FNTB: variants seen among roughly 807,000 people sequenced by gnomAD.
FNTB encodes farnesyltransferase, CAAX box, subunit beta.
A neutral mutation model predicts 59.4 loss-of-function variants in FNTB; 27 were observed. The ratio of observed to expected loss-of-function variants is 0.45; its 90% confidence interval spans 0.34 to 0.63. The LOEUF is 0.63. Among genes scored for constraint, FNTB ranks in the 20% least tolerant of loss-of-function variants. The probability of loss-of-function intolerance (pLI) is 0.02; values close to 1 mark genes in which losing one functional copy is unlikely to be tolerated. For synonymous variants in FNTB, 230 were observed against 220.7 expected, an observed-to-expected ratio of 1.04 and a Z score of -0.37; for missense variants, 449 against 559.6, an observed-to-expected ratio of 0.80 and a Z score of 1.99.
intron 4 of FNTB, among the ~76,000 whole-genome samples, chr14:65,024,537 A>G (rs11620955): frequency 0.57 from 86,977 of 152,028 alleles, 25,575 homozygotes; most frequent in African/African-American, 0.71. Flanking sequence ...GATCCATGAT[A>G]TAGAAGATAG....
intron 4 of FNTB, among the ~76,000 whole-genome samples, chr14:65,022,316 A>T (rs542497679): frequency 6.6e-6 from 1 of 151,362 alleles, no homozygotes; most frequent in Non-Finnish European, 1.5e-5. Context: ...CCAATTGTGC[A>T]GAACATAGCT....
intron 9 of FNTB, among the ~76,000 whole-genome samples, chr14:65,050,592 A>G (rs1260843586): frequency 6.6e-6 from 1 of 152,178 alleles, no homozygotes; most frequent in Non-Finnish European, 1.5e-5. Flanking sequence ...TAGCATCTCA[A>G]CAACAACAAC....
At chr14:65,013,651 G>A (rs1051891800) in intron 3 of FNTB, among the ~76,000 whole-genome samples, 16 of 152,146 alleles carry the variant, frequency 1.1e-4, no homozygotes, top group African/African-American at 3.6e-4. Context: ...AGGTTCAAGC[G>A]ATTCTCTTGC....
At position 65,011,839 on chromosome 14, in the gene FNTB, G is replaced by T. The variant is rs1179319611; in HGVS notation, c.210-478G>T. Among the ~76,000 whole-genome samples, 2 of 152,198 alleles carry T rather than the reference G, an allele frequency of 1.3e-5. No individual in the cohort carries two copies. Among genetic ancestry groups the T allele is most frequent in the Non-Finnish European group, 2.9e-5 (2 of 68,042 alleles). ...AGAATAATAGTTGGATAACCGAGAG[G>T]CAGGCAGGGAGTAAATTATGGGCCT... On this transcript the variant is annotated intron_variant, in intron 2 of 11. Transcript: ENST00000246166. This position sits in a 1 kb window ranked among gnomAD's most constrained non-coding sequence, Gnocchi z 4.0.
intron 1 of FNTB, among the ~76,000 whole-genome samples, chr14:64,999,643 T>A (rs902120611): frequency 1.3e-5 from 2 of 152,138 alleles, no homozygotes; most frequent in African/African-American, 4.8e-5. Context: ...TATATCTCAA[T>A]AAAGCTGTTA....
intron 4 of FNTB, among the ~76,000 whole-genome samples, chr14:65,021,072 T>A (rs1334932629): frequency 6.6e-6 from 1 of 152,200 alleles, no homozygotes; most frequent in African/African-American, 2.4e-5. Context: ...CATTTATATG[T>A]GTTTATCTAA....
Position 65,023,197 on chromosome 14 carries a change from T to C in FNTB, c.375-4256T>C, listed in dbSNP as rs1399225431. ...CCTCAGCCTCCTGAGTAGCTGGGGC[T>C]AGAGGTGGGTGCCAACGTGCCTGGT... On this transcript the variant is annotated intron_variant, in intron 4 of 11. Coordinates refer to ENST00000246166, the MANE Select transcript of FNTB (RefSeq NM_002028.4). The surrounding 1 kb of genome is among the most constrained non-coding windows in gnomAD (Gnocchi z 4.1). Among the ~76,000 whole-genome samples the C allele has an allele frequency of 2.0e-5, 3 of 152,154 alleles. No individual in the cohort carries two copies. Among genetic ancestry groups the C allele is most frequent in the Non-Finnish European group, 4.4e-5 (3 of 68,026 alleles).
chr14:65,052,291 A>AT (rs2062634124), intron 9 of FNTB, among the ~76,000 whole-genome samples: 1 of 152,220 alleles, frequency 6.6e-6, no homozygotes, highest in African/African-American at 2.4e-5. Context: ...CAGTTATAAT[A>AT]ACTAGGTAGA....
At position 65,044,480 on chromosome 14, in the gene FNTB, T is replaced by C; in HGVS notation, c.955+37T>C. On this transcript the variant is annotated intron_variant, in intron 9 of 11. Transcript: ENST00000246166. The surrounding 1 kb of genome is among the most constrained non-coding windows in gnomAD (Gnocchi z 5.5). The stretch of plus-strand genomic sequence containing the variant: ...GAGCTGTTCACTTGGGGCTGGATGA[T>C]TTCCCTCCACTACTCACAAAGTCTG... The C allele has an allele frequency of 6.3e-7, 1 of 1,578,544 alleles. No homozygotes were observed.
At chr14:65,051,520 A>G (rs1301907299) in intron 9 of FNTB, among the ~76,000 whole-genome samples, 8 of 151,898 alleles carry the variant, frequency 5.3e-5, no homozygotes, top group African/African-American at 1.4e-4. Context: ...CTGAGGCAGG[A>G]CAATCGCTTG....
chr14:65,052,645 G>C (rs866699415), intron 9 of FNTB, among the ~76,000 whole-genome samples: 2 of 152,170 alleles, frequency 1.3e-5, no homozygotes, highest in South Asian at 4.1e-4. Flanking sequence ...AGAATACCCA[G>C]TTTTTGCTAG....
chr14:65,008,474 G>A (rs1239026292), intron 2 of FNTB, among the ~76,000 whole-genome samples: 2 of 152,210 alleles, frequency 1.3e-5, no homozygotes, highest in Non-Finnish European at 2.9e-5. Flanking sequence ...GGGGGAGGTG[G>A]ACATTAAACA....
intron 4 of FNTB, among the ~76,000 whole-genome samples, chr14:65,020,749 T>TTG (rs2061871110): frequency 7.1e-6 from 1 of 140,218 alleles, no homozygotes; most frequent in South Asian, 2.3e-4. Flanking sequence ...TTTTTTTTTT[T>TTG]GAGACGGAGT....
In FNTB at chr14:65,002,999, G is replaced by C. The variant is rs2061538276; in HGVS notation, c.145-1250G>C. 2.0e-5 allele frequency among the ~76,000 whole-genome samples: 3 copies of C among 152,142 alleles called. No homozygotes were observed. In the South Asian group the frequency reaches 6.2e-4, roughly 32 times the overall value. On this transcript the variant is annotated intron_variant, in intron 1 of 11. Coordinates refer to ENST00000246166, the MANE Select transcript of FNTB (RefSeq NM_002028.4). ...AATGATGGGATACAAATGGTCAGAC[G>C]TTTAGCAACCAGGAAGTGGGCTGAA...
At position 65,023,477 on chromosome 14, in the gene FNTB, C is replaced by T. The variant is rs1280598059; in HGVS notation, c.375-3976C>T. ...GAACTTGACCCTCTTACAAGATTTACATACTCTTTAATGATGGAATGATAA... is the reference window on the plus strand; with the variant it reads ...GAACTTGACCCTCTTACAAGATTTATATACTCTTTAATGATGGAATGATAA... On this transcript the variant is annotated intron_variant, in intron 4 of 11. Coordinates refer to ENST00000246166, the MANE Select transcript of FNTB (RefSeq NM_002028.4). The surrounding 1 kb of genome is among the most constrained non-coding windows in gnomAD (Gnocchi z 4.1). Among the ~76,000 whole-genome samples, 1 of 152,212 alleles carries T rather than the reference C, an allele frequency of 6.6e-6. No individual in the cohort carries two copies. The highest frequency in any genetic ancestry group is 1.5e-5 in the Non-Finnish European group (1 of 68,034).
chr14:65,012,177 AGTTG>A lies in FNTB; in HGVS notation c.210-139_210-136del. ...TTTAGTTGCTCTTTGGAACCAGAGA[AGTTG>A]CTGGTTATCCAGTCAGTGATTGCAG... On this transcript the variant is annotated intron_variant, in intron 2 of 11. Coordinates refer to ENST00000246166, the MANE Select transcript of FNTB (RefSeq NM_002028.4). The surrounding 1 kb of genome is among the most constrained non-coding windows in gnomAD (Gnocchi z 5.0). 5.3e-6 allele frequency: 5 copies of A among 937,810 alleles called. No individual in the cohort carries two copies. Among genetic ancestry groups the A allele is most frequent in the Admixed American group, 2.4e-5 (1 of 42,442 alleles). The allele number at this position is 937,810 out of a possible 1,614,324, so 58.1% of individuals were successfully genotyped here.
At chr14:65,026,937 G>A (rs1022484553) in intron 4 of FNTB, among the ~76,000 whole-genome samples, 2 of 152,140 alleles carry the variant, frequency 1.3e-5, no homozygotes, top group Non-Finnish European at 2.9e-5. Flanking sequence ...GGCTTAGGTG[G>A]CAATGGGAGT....
chr14:65,054,716 C>T lies in FNTB; in HGVS notation c.1182+27C>T, dbSNP rs907075885. The T allele has an allele frequency of 2.5e-6, 4 of 1,583,820 alleles. No homozygotes were observed. In the African/African-American group the frequency reaches 4.1e-5, roughly 16 times the overall value. On this transcript the variant is annotated intron_variant, in intron 11 of 11. Transcript: ENST00000246166. The surrounding 1 kb of genome is among the most constrained non-coding windows in gnomAD (Gnocchi z 4.4). ...TAAGACGGGTGCAGGGCTTCACACC[C>T]CTTCTCCACAGGGACCTCGCGGACA...
At chr14:64,988,695 G>A (rs994690432) in intron 1 of FNTB, among the ~76,000 whole-genome samples, 1 of 152,130 alleles carries the variant, frequency 6.6e-6, no homozygotes, top group African/African-American at 2.4e-5. Flanking sequence ...GCCTCCTAGA[G>A]TGCTGGGATT....
Sources: allele counts gnomAD v4.1 joint callset (sites outside exome capture counted in the v4.1 genomes callset), GRCh38; gene constraint gnomAD v4.1.1; non-coding constraint Gnocchi (gnomAD v3.1); transcripts MANE v1.5; gene names NCBI Gene and HGNC (gene_info 2026-07-23, HGNC 2026-07-21).